Variants in STK3 observed in about 807,000 individuals in gnomAD.
STK3 encodes serine/threonine kinase 3.
A neutral mutation model predicts 58.0 loss-of-function variants in STK3; 41 were observed. That is an observed-to-expected ratio of 0.71 (90% CI 0.55 to 0.92). The LOEUF (loss-of-function observed/expected upper bound fraction) is 0.92. Among genes scored for constraint, STK3 ranks in the 40% least tolerant of loss-of-function variants. The pLI is 0.00. For missense variants in STK3, 479 were observed against 602.7 expected (o/e 0.79, Z 2.15); for synonymous variants, 170 against 191.0 (o/e 0.89, Z 0.91).
At chr8:98,391,203 C>T (rs1335357261), upstream of STK3, among the ~76,000 whole-genome samples, 1 of 152,182 alleles carries the variant, frequency 6.6e-6, no homozygotes, top group Non-Finnish European at 1.5e-5. Flanking sequence ...AGGCAATGAA[C>T]CTGGTTAAGC....
chr8:98,582,342 A>T (rs1178883837), intron 7 of STK3, among the ~76,000 whole-genome samples: 1 of 151,794 alleles, frequency 6.6e-6, no homozygotes, highest in Non-Finnish European at 1.5e-5. Context: ...ATATATATAT[A>T]TTTTTTAGTT....
At chr8:98,653,145 G>A (rs1378124451) in intron 6 of STK3, among the ~76,000 whole-genome samples, 1 of 152,290 alleles carries the variant, frequency 6.6e-6, no homozygotes, top group African/African-American at 2.4e-5. Context: ...TCAGACCACA[G>A]TGCAATCAAA....
chr8:98,820,749 G>A (rs541694917), intron 1 of STK3, among the ~76,000 whole-genome samples: 43 of 152,258 alleles, frequency 2.8e-4, no homozygotes, highest in Middle Eastern at 3.4e-3. Flanking sequence ...AGGCCAAGGC[G>A]GGTGGATCAC....
downstream of STK3, among the ~76,000 whole-genome samples, chr8:98,449,647 A>G (rs1306843628): frequency 2.0e-5 from 3 of 152,054 alleles, no homozygotes; most frequent in African/African-American, 7.2e-5. Context: ...GAGGAGGGGG[A>G]AAGTTTAGCA....
intron 3 of STK3, among the ~76,000 whole-genome samples, chr8:98,865,180 C>G (rs1315454620): frequency 1.3e-5 from 2 of 152,244 alleles, no homozygotes; most frequent in East Asian, 3.9e-4. Flanking sequence ...CACTTGAGAC[C>G]AGGAGTTCAG....
chr8:98,667,426 CA>C (rs1302585056), intron 6 of STK3, among the ~76,000 whole-genome samples: 1 of 152,196 alleles, frequency 6.6e-6, no homozygotes, highest in East Asian at 1.9e-4. Flanking sequence ...CCACCTTAAA[CA>C]ATGTTTCCAT....
chr8:98,903,827 A>C (rs923405330), intron 1 of STK3, among the ~76,000 whole-genome samples: 2 of 152,136 alleles, frequency 1.3e-5, no homozygotes, highest in African/African-American at 4.8e-5. Flanking sequence ...GCTTTCATTC[A>C]AAATACGTTT....
At chr8:98,519,453 T>C (rs1380600858) in intron 10 of STK3, among the ~76,000 whole-genome samples, 1 of 151,572 alleles carries the variant, frequency 6.6e-6, no homozygotes. Flanking sequence ...TTGCTGGCTA[T>C]AGAGGAGGGT....
At chr8:98,895,569 G>C (rs1419436933) in intron 1 of STK3, among the ~76,000 whole-genome samples, 1 of 152,080 alleles carries the variant, frequency 6.6e-6, no homozygotes, top group Non-Finnish European at 1.5e-5. Flanking sequence ...TTAGGGGAAA[G>C]GTTTTCCTTT....
At chr8:98,665,724 G>C (rs538141466) in intron 6 of STK3, among the ~76,000 whole-genome samples, 1 of 133,360 alleles carries the variant, frequency 7.5e-6, no homozygotes, top group African/African-American at 2.7e-5. Flanking sequence ...TTTTTTTTGA[G>C]ACCGAGTCTT....
intron 6 of STK3, among the ~76,000 whole-genome samples, chr8:98,634,750 G>A (rs1819507544): frequency 6.6e-6 from 1 of 152,066 alleles, no homozygotes; most frequent in Non-Finnish European, 1.5e-5. Context: ...AAAAGCTGGA[G>A]GAAAGCCAGG....
At chr8:98,545,173 CCTG>C (rs1238783027) in intron 9 of STK3, among the ~76,000 whole-genome samples, 1 of 152,182 alleles carries the variant, frequency 6.6e-6, no homozygotes, top group East Asian at 1.9e-4. Flanking sequence ...TGACAACCAA[CCTG>C]CTTTTACCCA....
At chr8:98,827,061 C>T (rs1835340545), upstream of STK3, among the ~76,000 whole-genome samples, 1 of 134,834 alleles carries the variant, frequency 7.4e-6, no homozygotes, top group Non-Finnish European at 1.6e-5. Flanking sequence ...ATGGGCCGGG[C>T]GCGGTGGCTC....
intron 6 of STK3, among the ~76,000 whole-genome samples, chr8:98,691,022 C>T (rs762778653): frequency 2.1e-4 from 32 of 152,060 alleles, no homozygotes; most frequent in Non-Finnish European, 4.4e-5. Flanking sequence ...TTCACACAGA[C>T]ATAAAGATGG....
chr8:98,550,429 ATAT>A (rs1307778724), intron 8 of STK3, among the ~76,000 whole-genome samples: 1 of 152,106 alleles, frequency 6.6e-6, no homozygotes, highest in Non-Finnish European at 1.5e-5. Flanking sequence ...CCCAAATCAG[ATAT>A]TATTTCATTT....
At chr8:98,503,499 G>A (rs996023797) in intron 10 of STK3, among the ~76,000 whole-genome samples, 3 of 152,166 alleles carry the variant, frequency 2.0e-5, no homozygotes, top group African/African-American at 7.2e-5. Context: ...ATGTTAGGGT[G>A]TTGATTTTAG....
chr8:98,609,281 A>C (rs896182844), intron 6 of STK3, among the ~76,000 whole-genome samples: 2 of 152,218 alleles, frequency 1.3e-5, no homozygotes, highest in African/African-American at 4.8e-5. Flanking sequence ...GTTTTGAGAT[A>C]AGGCCTTTTA....
intron 3 of STK3, among the ~76,000 whole-genome samples, chr8:98,861,630 G>A (rs1247369918): frequency 1.3e-5 from 2 of 152,024 alleles, no homozygotes; most frequent in Non-Finnish European, 2.9e-5. Context: ...TTACAGGCGT[G>A]AGCCACCATG....
At chr8:98,756,721 T>A (rs921391903) in intron 3 of STK3, among the ~76,000 whole-genome samples, 1 of 152,238 alleles carries the variant, frequency 6.6e-6, no homozygotes, top group Non-Finnish European at 1.5e-5. Context: ...CTGAAGCGAC[T>A]GCCCCTCTCA....
Sources: allele counts gnomAD v4.1 joint callset (sites outside exome capture counted in the v4.1 genomes callset), GRCh38; gene constraint gnomAD v4.1.1; transcripts MANE v1.5; gene names NCBI Gene and HGNC (gene_info 2026-07-23, HGNC 2026-07-21).